Variants in BLTP3B observed in about 807,000 individuals in gnomAD.
The protein encoded by BLTP3B is UHRF1 (ICBP90) binding protein 1-like.
chr12:100,084,717 A>G, the BLTP3B span: 13 of 1,490,628 alleles, frequency 8.7e-6, no homozygotes, highest in South Asian at 2.6e-5. Context: ...TTATTATATT[A>G]TAGTAATGCT....
chr12:100,139,206 T>C, the BLTP3B span, among the ~76,000 whole-genome samples: 1 of 152,190 alleles, frequency 6.6e-6, no homozygotes, highest in African/African-American at 2.4e-5. Context: ...AACTAACAAT[T>C]AGGCAAGGAA....
At chr12:100,047,554 C>T in the BLTP3B span, 2 of 1,612,126 alleles carry the variant, frequency 1.2e-6, no homozygotes, top group East Asian at 2.2e-5. Flanking sequence ...GAGCCATCGT[C>T]ACTTCTCTCT....
At chr12:100,098,739 T>TAA in the BLTP3B span, among the ~76,000 whole-genome samples, 8,175 of 144,314 alleles carry the variant, frequency 0.057, 710 homozygotes, top group African/African-American at 0.19. Flanking sequence ...CCATCTCTAC[T>TAA]AAAAAAAAAA....
At chr12:100,095,517 T>G in the BLTP3B span, 1 of 857,242 alleles carries the variant, frequency 1.2e-6, no homozygotes, top group Non-Finnish European at 1.7e-6. Flanking sequence ...ACTACTTATA[T>G]AAAATTACAT....
the BLTP3B span, among the ~76,000 whole-genome samples, chr12:100,137,038 C>T: frequency 2.6e-5 from 4 of 152,016 alleles, no homozygotes; most frequent in Middle Eastern, 3.2e-3. Context: ...CTCGAACTCC[C>T]GACCTCAGGT....
the BLTP3B span, among the ~76,000 whole-genome samples, chr12:100,057,078 T>C: frequency 0.024 from 3,669 of 152,318 alleles, 157 homozygotes; most frequent in African/African-American, 0.083. Context: ...CTATCATATA[T>C]GTGAAAGAAT....
At chr12:100,131,221 G>A in the BLTP3B span, among the ~76,000 whole-genome samples, 1 of 151,686 alleles carries the variant, frequency 6.6e-6, no homozygotes, top group Non-Finnish European at 1.5e-5. Context: ...TGAAGTGGGA[G>A]GATTGCTAGA....
At chr12:100,074,986 G>A in the BLTP3B span, among the ~76,000 whole-genome samples, 10 of 151,004 alleles carry the variant, frequency 6.6e-5, no homozygotes, top group African/African-American at 2.4e-4. Context: ...GTCATATTTA[G>A]AAGAATGAAA....
chr12:100,087,242 A>G, the BLTP3B span, among the ~76,000 whole-genome samples: 36,918 of 151,328 alleles, frequency 0.24, 6,309 homozygotes, highest in African/African-American at 0.49. Context: ...GCTATAGTAA[A>G]ATCAAAAGTA....
chr12:100,047,075 T>G, the BLTP3B span, among the ~76,000 whole-genome samples: 1 of 152,190 alleles, frequency 6.6e-6, no homozygotes, highest in Non-Finnish European at 1.5e-5. Flanking sequence ...TTTATTACAA[T>G]GTACTGAAGG....
the BLTP3B span, among the ~76,000 whole-genome samples, chr12:100,121,303 T>C: frequency 1.4e-4 from 19 of 140,490 alleles, no homozygotes; most frequent in Admixed American, 1.3e-3. Flanking sequence ...TGAGCTGAGA[T>C]AGTGCCACTG....
chr12:100,100,236 T>C, the BLTP3B span, among the ~76,000 whole-genome samples: 1 of 151,330 alleles, frequency 6.6e-6, no homozygotes, highest in African/African-American at 2.4e-5. Flanking sequence ...GTATGGGAGG[T>C]GGAGGTTGCA....
chr12:100,095,584 A>G, the BLTP3B span: 12 of 1,497,630 alleles, frequency 8.0e-6, no homozygotes, highest in Non-Finnish European at 1.1e-5. Flanking sequence ...TCTGTCTCTT[A>G]AAGAAAATAC....
the BLTP3B span, chr12:100,059,444 A>G: frequency 2.5e-6 from 4 of 1,613,954 alleles, no homozygotes; most frequent in East Asian, 8.9e-5. Context: ...AGTGCCTTGT[A>G]TTTGTGGCAA....
chr12:100,086,082 T>G, the BLTP3B span, among the ~76,000 whole-genome samples: 1 of 152,144 alleles, frequency 6.6e-6, no homozygotes, highest in Non-Finnish European at 1.5e-5. Flanking sequence ...TCTATATAAA[T>G]GTCAATATAC....
the BLTP3B span, among the ~76,000 whole-genome samples, chr12:100,067,729 T>TAA: frequency 6.7e-6 from 1 of 149,498 alleles, no homozygotes; most frequent in Non-Finnish European, 1.5e-5. Context: ...CAGGACCAGC[T>TAA]AAAAAAAAAC....
the BLTP3B span, among the ~76,000 whole-genome samples, chr12:100,136,722 G>T: frequency 1.5e-4 from 23 of 152,312 alleles, no homozygotes; most frequent in East Asian, 2.9e-3. Flanking sequence ...AGACCTAGCA[G>T]TATTGATCTC....
At chr12:100,102,157 T>C in the BLTP3B span, among the ~76,000 whole-genome samples, 1 of 149,284 alleles carries the variant, frequency 6.7e-6, no homozygotes, top group Admixed American at 6.8e-5. Flanking sequence ...TCACCAAGGC[T>C]GGAGTGCAAT....
At chr12:100,118,566 A>G in the BLTP3B span, among the ~76,000 whole-genome samples, 1 of 152,182 alleles carries the variant, frequency 6.6e-6, no homozygotes, top group African/African-American at 2.4e-5. Flanking sequence ...TACTAAGGAA[A>G]TTTGAACAGA....
Sources: allele counts gnomAD v4.1 joint callset (sites outside exome capture counted in the v4.1 genomes callset), GRCh38; gene constraint gnomAD v4.1.1; transcripts MANE v1.5; gene names NCBI Gene and HGNC (gene_info 2026-07-23, HGNC 2026-07-21).